STK32B: variants seen among roughly 807,000 people sequenced by gnomAD.
STK32B encodes the protein serine/threonine-protein kinase 32B.
In STK32B, 43 loss-of-function variants were observed where a neutral mutation model predicts 52.6. The ratio of observed to expected loss-of-function variants is 0.82; its 90% CI spans 0.64 to 1.05. The LOEUF is 1.05. STK32B is among the 50% of genes least tolerant of loss of function. The pLI is 0.00. For missense variants in STK32B, 621 were observed against 534.6 expected, an observed-to-expected ratio of 1.16 and a Z score of -1.59; for synonymous variants, 238 against 204.3, an observed-to-expected ratio of 1.17 and a Z score of -1.41.
intron 2 of STK32B, among the ~76,000 whole-genome samples, chr4:5,148,678 C>T (rs1717110148): frequency 6.6e-6 from 1 of 151,758 alleles, no homozygotes; most frequent in South Asian, 2.1e-4. Flanking sequence ...ACAGTATACC[C>T]ACTTGAAAAG....
At chr4:5,231,038 G>A (rs191698217) in intron 3 of STK32B, among the ~76,000 whole-genome samples, 1 of 152,320 alleles carries the variant, frequency 6.6e-6, no homozygotes, top group East Asian at 1.9e-4. Context: ...TGGCTCAGGT[G>A]CCCCAGAGCT....
chr4:5,349,881 G>A (rs925047761), intron 4 of STK32B, among the ~76,000 whole-genome samples: 6 of 152,104 alleles, frequency 3.9e-5, no homozygotes, highest in Non-Finnish European at 1.5e-5. Context: ...ACTAGATCAA[G>A]AAGGGGAAAG....
chr4:5,256,384 G>A (rs1467140251), intron 3 of STK32B, among the ~76,000 whole-genome samples: 1 of 152,202 alleles, frequency 6.6e-6, no homozygotes, highest in Non-Finnish European at 1.5e-5. Flanking sequence ...GGTCATCTAA[G>A]GAAGTTTTGG....
At chr4:5,449,783 G>T (rs1370506144) in intron 7 of STK32B, among the ~76,000 whole-genome samples, 2 of 152,174 alleles carry the variant, frequency 1.3e-5, no homozygotes, top group Non-Finnish European at 2.9e-5. Context: ...AACTGTGCAT[G>T]CGAGGGACCT....
At chr4:5,497,451 T>G (rs1720374931) in intron 11 of STK32B, among the ~76,000 whole-genome samples, 1 of 152,234 alleles carries the variant, frequency 6.6e-6, no homozygotes, top group Non-Finnish European at 1.5e-5. Flanking sequence ...AGCTCTGTCC[T>G]CTGGTTCCTG....
intron 3 of STK32B, among the ~76,000 whole-genome samples, chr4:5,246,543 T>G (rs888460459): frequency 6.6e-6 from 1 of 152,196 alleles, no homozygotes; most frequent in Non-Finnish European, 1.5e-5. Flanking sequence ...TCGGAGTAGT[T>G]TGATCTTCTG....
chr4:5,479,394 C>G (rs1718508987), intron 11 of STK32B, among the ~76,000 whole-genome samples: 1 of 152,162 alleles, frequency 6.6e-6, no homozygotes, highest in African/African-American at 2.4e-5. Context: ...GCTGGGATTA[C>G]AGGCGTGAGC....
intron 3 of STK32B, among the ~76,000 whole-genome samples, chr4:5,231,838 T>C (rs1280833311): frequency 1.3e-5 from 2 of 152,020 alleles, no homozygotes; most frequent in Non-Finnish European, 2.9e-5. Flanking sequence ...CCCAGGAGGA[T>C]CAAGGGACCA....
At chr4:5,317,177 AATAT>A (rs531271530) in intron 3 of STK32B, among the ~76,000 whole-genome samples, 15 of 46,534 alleles carry the variant, frequency 3.2e-4, no homozygotes, top group African/African-American at 5.2e-4. Flanking sequence ...TATAACATAT[AATAT>A]ATATATATAA....
chr4:5,264,833 C>T (rs1047322491), intron 3 of STK32B, among the ~76,000 whole-genome samples: 1 of 152,052 alleles, frequency 6.6e-6, no homozygotes, highest in African/African-American at 2.4e-5. Context: ...TTATATATTC[C>T]TGATGAAAGT....
At chr4:5,096,959 A>G (rs1713437392) in intron 1 of STK32B, among the ~76,000 whole-genome samples, 1 of 152,206 alleles carries the variant, frequency 6.6e-6, no homozygotes, top group Admixed American at 6.5e-5. Flanking sequence ...CCTAGGAGGT[A>G]AGACTATTTA....
intron 2 of STK32B, among the ~76,000 whole-genome samples, chr4:5,143,039 A>G (rs149313376): frequency 6.6e-6 from 1 of 152,226 alleles, no homozygotes; most frequent in East Asian, 1.9e-4. Flanking sequence ...CAGAAGTCAG[A>G]TTTGCAAGCC....
chr4:5,467,292 G>A lies in STK32B; in HGVS notation c.1041+458G>A, dbSNP rs912852767. Among the ~76,000 whole-genome samples, 12 of 152,224 alleles carry A rather than the reference G, an allele frequency of 7.9e-5. No individual in the cohort carries two copies. Among genetic ancestry groups the A allele is most frequent in the African/African-American group, 2.2e-4 (9 of 41,538 alleles). Reference sequence around the variant, plus strand: ...CCAGAAATCCAAACTCAAGGTCTCCGCAGAGCCCAGCTCTCTCCAAAGGCT... The same window carrying A: ...CCAGAAATCCAAACTCAAGGTCTCCACAGAGCCCAGCTCTCTCCAAAGGCT... On this transcript the variant is annotated intron_variant, in intron 10 of 11. Transcript: ENST00000282908. This position sits in a 1 kb window ranked among gnomAD's most constrained non-coding sequence, Gnocchi z 5.8.
intron 11 of STK32B, among the ~76,000 whole-genome samples, chr4:5,489,934 C>T (rs1276182107): frequency 6.6e-6 from 1 of 152,040 alleles, no homozygotes; most frequent in Non-Finnish European, 1.5e-5. Context: ...TACATAAATA[C>T]ATCTAGACAG....
At chr4:5,437,303 A>C (rs1216539208) in intron 6 of STK32B, among the ~76,000 whole-genome samples, 2 of 152,242 alleles carry the variant, frequency 1.3e-5, no homozygotes, top group East Asian at 3.8e-4. Flanking sequence ...TGGAGGCTGA[A>C]AGTCCAATAT....
intron 3 of STK32B, among the ~76,000 whole-genome samples, chr4:5,200,095 T>A (rs982731330): frequency 2.0e-5 from 3 of 152,140 alleles, no homozygotes; most frequent in Non-Finnish European, 4.4e-5. Context: ...GACAATCTGT[T>A]AAGTCTCAGT....
chr4:5,478,994 A>G (rs571087610), intron 11 of STK32B, among the ~76,000 whole-genome samples: 23 of 152,284 alleles, frequency 1.5e-4, no homozygotes, highest in African/African-American at 5.3e-4. Context: ...TCAGACTCCC[A>G]GGCTGACAAG....
chr4:5,039,455 A>C, the STK32B span, among the ~76,000 whole-genome samples: 1 of 152,212 alleles, frequency 6.6e-6, no homozygotes, highest in Non-Finnish European at 1.5e-5. Context: ...CTCACTGGAC[A>C]GTCTTAGGGG....
intron 2 of STK32B, among the ~76,000 whole-genome samples, chr4:5,150,138 C>G (rs902103045): frequency 6.6e-6 from 1 of 152,010 alleles, no homozygotes; most frequent in Non-Finnish European, 1.5e-5. Context: ...TTGTCTCCCT[C>G]CTTTCAAAAA....
Sources: gnomAD v4.1 joint callset for allele counts (sites outside exome capture counted in the v4.1 genomes callset) on GRCh38, gnomAD v4.1.1 for gene constraint, Gnocchi (gnomAD v3.1) non-coding constraint, MANE v1.5 for transcripts, NCBI Gene and HGNC (gene_info 2026-07-23, HGNC 2026-07-21) for gene names.